The following ST6GALNAC3 variants were observed in gnomAD, a reference collection of about 807,000 sequenced individuals.
ST6GALNAC3 encodes the protein alpha-N-acetylgalactosaminide alpha-2,6-sialyltransferase 3.
Under a neutral mutation model 32.7 loss-of-function variants are expected in ST6GALNAC3, and 25 were observed. The observed-to-expected ratio is 0.76, with a 90% CI of 0.56 to 1.07. The LOEUF is 1.07. ST6GALNAC3 is among the 50% of genes least tolerant of loss of function. The pLI, the probability that ST6GALNAC3 is intolerant of heterozygous loss-of-function variation, is 0.00. For missense variants in ST6GALNAC3, 355 were observed against 382.4 expected (o/e 0.93, Z 0.60); for synonymous variants, 129 against 133.1 (o/e 0.97, Z 0.21).
chr1:76,605,861 T>TAAAAAAAAAAAAAA (rs1159864958), intron 3 of ST6GALNAC3, among the ~76,000 whole-genome samples: 5 of 58,920 alleles, frequency 8.5e-5, no homozygotes, highest in African/African-American at 3.7e-4. Context: ...GGAGACTCCA[T>TAAAAAAAAAAAAAA]AAAAAAAAAA....
At chr1:76,124,172 C>A (rs989603672) in intron 1 of ST6GALNAC3, among the ~76,000 whole-genome samples, 7 of 152,178 alleles carry the variant, frequency 4.6e-5, no homozygotes, top group Non-Finnish European at 7.3e-5. Flanking sequence ...ACTACGATTG[C>A]TGGAGTGCCA....
intron 3 of ST6GALNAC3, among the ~76,000 whole-genome samples, chr1:76,416,885 C>T (rs142968483): frequency 0.014 from 2,065 of 152,176 alleles, 23 homozygotes; most frequent in Middle Eastern, 0.027. Flanking sequence ...CTTAGGCTCC[C>T]AAAGTGCTGG....
intron 1 of ST6GALNAC3, among the ~76,000 whole-genome samples, chr1:76,079,193 G>A (rs923451667): frequency 2.0e-5 from 3 of 152,176 alleles, no homozygotes; most frequent in Admixed American, 1.3e-4. Flanking sequence ...GGAAGATCTC[G>A]TGGGGTTGTT....
intron 3 of ST6GALNAC3, among the ~76,000 whole-genome samples, chr1:76,423,800 G>T (rs1655187508): frequency 6.6e-6 from 1 of 151,908 alleles, no homozygotes; most frequent in Admixed American, 6.6e-5. Flanking sequence ...TTAAACTTAT[G>T]AAATTTTCTT....
intron 2 of ST6GALNAC3, among the ~76,000 whole-genome samples, chr1:76,391,129 A>G (rs1461920751): frequency 6.6e-6 from 1 of 151,644 alleles, no homozygotes; most frequent in African/African-American, 2.4e-5. Flanking sequence ...TTTAGTAGAG[A>G]TGGAGTTTCA....
chr1:76,220,036 A>T (rs1655680419), intron 1 of ST6GALNAC3, among the ~76,000 whole-genome samples: 1 of 152,176 alleles, frequency 6.6e-6, no homozygotes, highest in South Asian at 2.1e-4. Flanking sequence ...TTGCTTGAAA[A>T]TGTGTAATGG....
chr1:76,267,400 CCTTCCTTACTTTA>C (rs1168363556), intron 1 of ST6GALNAC3, among the ~76,000 whole-genome samples: 12 of 152,264 alleles, frequency 7.9e-5, no homozygotes, highest in African/African-American at 2.2e-4. Flanking sequence ...GGCAGAACTA[CCTTCCTTACTTTA>C]TTTTCTTTCT....
intron 3 of ST6GALNAC3, among the ~76,000 whole-genome samples, chr1:76,484,192 C>G (rs1434834440): frequency 1.3e-5 from 2 of 152,162 alleles, no homozygotes; most frequent in Non-Finnish European, 2.9e-5. Context: ...TTAGGATTGA[C>G]TTGGCAATGT....
At chr1:76,166,040 CT>C (rs1266430526) in intron 1 of ST6GALNAC3, among the ~76,000 whole-genome samples, 2 of 152,088 alleles carry the variant, frequency 1.3e-5, no homozygotes, top group African/African-American at 4.8e-5. Context: ...TAAACTTTTG[CT>C]TTTCTTGTAA....
At chr1:76,559,895 C>T (rs1450662772) in intron 3 of ST6GALNAC3, among the ~76,000 whole-genome samples, 2 of 152,102 alleles carry the variant, frequency 1.3e-5, no homozygotes, top group Non-Finnish European at 2.9e-5. Flanking sequence ...TTAATAATGT[C>T]TCAGGGCATT....
At chr1:76,620,634 C>G (rs1173363436) in intron 3 of ST6GALNAC3, among the ~76,000 whole-genome samples, 1 of 151,980 alleles carries the variant, frequency 6.6e-6, no homozygotes, top group East Asian at 1.9e-4. Flanking sequence ...GGAAACTAAT[C>G]TTATCCCCGT....
At chr1:76,550,949 A>G (rs1664591362) in intron 3 of ST6GALNAC3, among the ~76,000 whole-genome samples, 1 of 152,038 alleles carries the variant, frequency 6.6e-6, no homozygotes, top group South Asian at 2.1e-4. Context: ...TAGTAAAGAC[A>G]GGGTTTCACC....
chr1:76,512,565 T>C (rs1043739071), intron 3 of ST6GALNAC3, among the ~76,000 whole-genome samples: 35 of 152,202 alleles, frequency 2.3e-4, no homozygotes, highest in African/African-American at 8.0e-4. Flanking sequence ...CACTTCACAG[T>C]GGTGGAACAT....
chr1:76,207,814 A>G (rs944711148), intron 1 of ST6GALNAC3, among the ~76,000 whole-genome samples: 1 of 152,204 alleles, frequency 6.6e-6, no homozygotes, highest in Non-Finnish European at 1.5e-5. Context: ...TGAATGTTAA[A>G]TTTATCTTCT....
intron 1 of ST6GALNAC3, among the ~76,000 whole-genome samples, chr1:76,269,171 T>C (rs1658701870): frequency 6.6e-6 from 1 of 152,234 alleles, no homozygotes; most frequent in Non-Finnish European, 1.5e-5. Flanking sequence ...CTGTGGGTCA[T>C]GACCCTACTC....
At chr1:76,114,501 A>G (rs1648320194) in intron 1 of ST6GALNAC3, among the ~76,000 whole-genome samples, 2 of 152,184 alleles carry the variant, frequency 1.3e-5, no homozygotes, top group Admixed American at 1.3e-4. Context: ...TATTTTTCCT[A>G]ATTACAAAAT....
chr1:76,456,959 G>A lies in ST6GALNAC3; in HGVS notation c.623+44542G>A, dbSNP rs529613063. Among the ~76,000 whole-genome samples, 651 of 152,170 alleles carry A rather than the reference G, an allele frequency of 4.3e-3. 4 individuals carry two copies. Among genetic ancestry groups the A allele is most frequent in the Non-Finnish European group, 6.9e-3 (469 of 68,012 alleles). On this transcript the variant is annotated intron_variant, in intron 3 of 4. Transcript: ENST00000328299. ...GACTGTATATCTAGAAAACCCCATT[G>A]TCTCAGCCCAAAATCTCCTTAAGCT...
intron 2 of ST6GALNAC3, among the ~76,000 whole-genome samples, chr1:76,361,109 ATTC>A (rs1315688110): frequency 6.6e-6 from 1 of 152,024 alleles, no homozygotes; most frequent in Non-Finnish European, 1.5e-5. Flanking sequence ...CATCTTAACC[ATTC>A]TTAAGTGTAC....
At chr1:76,218,058 T>C (rs187739754) in intron 1 of ST6GALNAC3, among the ~76,000 whole-genome samples, 171 of 152,334 alleles carry the variant, frequency 1.1e-3, no homozygotes, top group African/African-American at 3.7e-3. Context: ...GATCAAATGA[T>C]AGTTCTACTT....
Sources: gnomAD v4.1 joint callset for allele counts (sites outside exome capture counted in the v4.1 genomes callset) on GRCh38, gnomAD v4.1.1 for gene constraint, MANE v1.5 for transcripts, NCBI Gene and HGNC (gene_info 2026-07-23, HGNC 2026-07-21) for gene names.